EIF3A: variants seen among roughly 807,000 people sequenced by gnomAD.
EIF3A encodes eukaryotic translation initiation factor 3 subunit A.
Under a neutral mutation model 186.6 loss-of-function variants are expected in EIF3A, and 21 were observed. That is an observed-to-expected ratio of 0.11 (90% CI 0.08 to 0.16). The LOEUF (loss-of-function observed/expected upper bound fraction) is 0.16. Ranked by LOEUF, EIF3A falls within the 10% of genes least tolerant of loss-of-function variation. The probability of loss-of-function intolerance (pLI) is 1.00; values close to 1 mark genes in which losing one functional copy is unlikely to be tolerated. For missense variants in EIF3A, 1,306 were observed against 1,796.3 expected, an observed-to-expected ratio of 0.73 and a Z score of 4.93; for synonymous variants, 563 against 584.3, an observed-to-expected ratio of 0.96 and a Z score of 0.52.
At chr10:119,078,344 TTGCTCATATATA>T (rs1322254961) in intron 1 of EIF3A, among the ~76,000 whole-genome samples, 3 of 152,184 alleles carry the variant, frequency 2.0e-5, no homozygotes, top group Non-Finnish European at 4.4e-5. Context: ...CCCCCAAAAA[TTGCTCATATATA>T]TGCTTAGGGT....
intron 1 of EIF3A, among the ~76,000 whole-genome samples, chr10:119,079,219 A>T (rs1036324643): frequency 1.3e-5 from 2 of 152,198 alleles, no homozygotes; most frequent in African/African-American, 4.8e-5. Context: ...ATTAGTGCTC[A>T]CATCTATGTT....
chr10:119,077,624 A>G (rs1248717696), intron 1 of EIF3A, among the ~76,000 whole-genome samples: 5 of 149,846 alleles, frequency 3.3e-5, no homozygotes, highest in Non-Finnish European at 7.4e-5. Context: ...GCGCAATCTC[A>G]GCTCACTGCA....
chr10:119,061,207 TAAATAC>T lies in EIF3A; in HGVS notation c.1227+11_1227+16del. On this transcript the variant is annotated intron_variant, in intron 8 of 21. Coordinates refer to ENST00000369144, the MANE Select transcript of EIF3A (RefSeq NM_003750.4). ...CAACTCTGTGGTAACAACCAGAACT[TAAATAC>T]AAAGGCTTACCTTTGTGACTCGCTC... is the stretch of plus-strand genomic sequence containing the variant. The T allele has an allele frequency of 7.0e-7, 1 of 1,429,724 alleles. No homozygotes were observed. Among genetic ancestry groups the T allele is most frequent in the Non-Finnish European group, 9.7e-7 (1 of 1,032,652 alleles). 88.6% of individuals were successfully genotyped at this position (1,429,724 alleles called of 1,614,324 possible).
chr10:119,047,454 A>T (rs1202720715), intron 17 of EIF3A, among the ~76,000 whole-genome samples: 1 of 152,232 alleles, frequency 6.6e-6, no homozygotes, highest in Admixed American at 6.5e-5. Flanking sequence ...AAAAAAGGGA[A>T]GGTGTGTGTG....
chr10:119,059,108 T>C (rs1843839308), intron 11 of EIF3A, 104 bp downstream of exon 11: 1 of 845,498 alleles, frequency 1.2e-6, no homozygotes. Flanking sequence ...ATATCATAAA[T>C]CCCTTCTCTC....
intron 6 of EIF3A, among the ~76,000 whole-genome samples, chr10:119,065,998 C>T (rs1843970321): frequency 6.6e-6 from 1 of 151,894 alleles, no homozygotes; most frequent in South Asian, 2.1e-4. Context: ...CGCCTGTAGT[C>T]CCAGCTACTC....
intron 7 of EIF3A, 33 bp downstream of exon 7, chr10:119,065,366 C>T (rs756364591): frequency 4.5e-6 from 7 of 1,544,662 alleles, no homozygotes; most frequent in Admixed American, 1.9e-5. Flanking sequence ...GTTTTCTGCC[C>T]AAAGCTACAA....
chr10:119,050,109 G>C, intron 16 of EIF3A, 124 bp from the exon 17 acceptor site: 1 of 938,714 alleles, frequency 1.1e-6, no homozygotes, highest in Non-Finnish European at 1.6e-6. Context: ...AAAATAGTTT[G>C]TAATCAGCTA....
Position 119,069,468 on chromosome 10 carries a change from G to C in EIF3A, c.928C>G (p.Leu310Val), listed in dbSNP as rs1243702155. 1 of 1,513,538 alleles carries C rather than the reference G, an allele frequency of 6.6e-7. No homozygotes were observed. Among genetic ancestry groups the C allele is most frequent in the Non-Finnish European group, 9.2e-7 (1 of 1,088,184 alleles). 93.8% of individuals were successfully genotyped at this position (1,513,538 alleles called of 1,614,324 possible). Residue 310 changes from leucine to valine, a missense_variant, in exon 6 of 22, where the codon CTC becomes GTC. Coordinates refer to ENST00000369144, the MANE Select transcript of EIF3A (RefSeq NM_003750.4). The part of the protein sequence containing the change: ...YHLSREMRKN[L>V]TQDEMQRMST... Reference sequence around the variant, plus strand: ...TACCTTTGCATCTCATCTTGTGTGAGATTCTTTCTCATTTCTCTAGAGAGA... The same window carrying C: ...TACCTTTGCATCTCATCTTGTGTGACATTCTTTCTCATTTCTCTAGAGAGA...
At chr10:119,038,681 T>C (rs1030962669) in intron 19 of EIF3A, among the ~76,000 whole-genome samples, 10 of 152,168 alleles carry the variant, frequency 6.6e-5, no homozygotes, top group Non-Finnish European at 1.5e-4. Context: ...CCCAGCACTT[T>C]TGGAGACCGA....
intron 1 of EIF3A, among the ~76,000 whole-genome samples, chr10:119,076,160 G>A (rs1430875065): frequency 1.3e-5 from 2 of 150,818 alleles, no homozygotes; most frequent in Admixed American, 6.6e-5. Context: ...GTGAAACCTC[G>A]TCTCTACTAA....
chr10:119,054,072 C>T (rs762185939), intron 14 of EIF3A, among the ~76,000 whole-genome samples: 4 of 152,130 alleles, frequency 2.6e-5, no homozygotes, highest in Non-Finnish European at 5.9e-5. Flanking sequence ...AGGCATCTGC[C>T]ACCACGCCCA....
At chr10:119,073,154 T>C in intron 3 of EIF3A, 101 bp from the exon 4 acceptor site, 1 of 1,156,976 alleles carries the variant, frequency 8.6e-7, no homozygotes, top group Non-Finnish European at 1.2e-6. Flanking sequence ...TGCAAATTCT[T>C]CCCACAATAT....
intron 9 of EIF3A, among the ~76,000 whole-genome samples, chr10:119,060,299 T>C (rs116503709): frequency 1.3e-5 from 2 of 152,228 alleles, no homozygotes; most frequent in Admixed American, 1.3e-4. Flanking sequence ...GGCTTCTGAA[T>C]AGCTATTAAA....
rs1187030505 is a variant in EIF3A, at chr10:119,060,791, A to G, written c.1281T>C (p.Tyr427=). 66 of 1,612,456 alleles carry G rather than the reference A, an allele frequency of 4.1e-5. No individual in the cohort carries two copies. The highest frequency in any genetic ancestry group is 5.3e-5 in the Non-Finnish European group (63 of 1,179,382). ...TGGTGTTGTTTTGCAGTTGTGGCAC[A>G]TACTGCTGCAATTCCGGTTCCTTTT... is the stretch of plus-strand genomic sequence containing the variant. ...QPEKEPELQQ[Y]VPQLQNNTIL... The change falls in exon 9 of 22, where the codon TAT becomes TAC. Residue 427 remains tyrosine, a synonymous_variant. Coordinates refer to ENST00000369144, the MANE Select transcript of EIF3A (RefSeq NM_003750.4).
rs62636533 is a variant in EIF3A at position 119,038,287 on chromosome 10, T to G, written c.3679A>C (p.Arg1227=). Residue 1227 remains arginine (R), a synonymous_variant, in exon 20 of 22, where the codon AGG becomes CGG. Coordinates refer to ENST00000369144, the MANE Select transcript of EIF3A (RefSeq NM_003750.4). The part of the protein sequence containing the change: ...EENDKDPERE[R]DRERDVDRED... Reference sequence around the variant, plus strand: ...CGATCCACATCTCTCTCTCTGTCCCTTTCTCTCTCAGGGTCCTTGTCATTC... The same window carrying G: ...CGATCCACATCTCTCTCTCTGTCCCGTTCTCTCTCAGGGTCCTTGTCATTC... 365 of 1,614,106 alleles carry G rather than the reference T, an allele frequency of 2.3e-4. No homozygotes were observed. In the African/African-American group the frequency reaches 4.2e-3, roughly 19 times the overall value.
In EIF3A at chr10:119,060,842, A is replaced by T. The variant is rs142757886; in HGVS notation, c.1230T>A (p.Val410=). The T allele has an allele frequency of 1.1e-5, 17 of 1,599,646 alleles. No individual in the cohort carries two copies. The highest frequency in any genetic ancestry group is 6.9e-5 in the Admixed American group (4 of 57,870). The change falls in exon 9 of 22, where the codon GTT becomes GTA. Residue 410 remains valine (V), a splice_region_variant and synonymous_variant. Coordinates refer to ENST00000369144, the MANE Select transcript of EIF3A (RefSeq NM_003750.4). The part of the protein sequence containing the change: ...PLKLCERVTK[V]LNWVREQPEK... ...CAGGTTGTTCCCTAACCCAATTTAG[A>T]ACCTATAAAATCCATTAAATTGAAA...
At chr10:119,058,363 T>C (rs755558028) in intron 11 of EIF3A, 60 bp from the exon 12 acceptor site, 2 of 1,197,960 alleles carry the variant, frequency 1.7e-6, no homozygotes, top group African/African-American at 3.1e-5. Context: ...GTATTAGGCA[T>C]CAAAGAAATT....
chr10:119,076,893 G>C (rs550937182), intron 1 of EIF3A, among the ~76,000 whole-genome samples: 1 of 143,378 alleles, frequency 7.0e-6, no homozygotes, highest in Admixed American at 7.4e-5. Flanking sequence ...CCAAGATTGC[G>C]TCACTGCACT....
Sources: allele counts gnomAD v4.1 joint callset (sites outside exome capture counted in the v4.1 genomes callset), GRCh38; gene constraint gnomAD v4.1.1; transcripts MANE v1.5; gene names NCBI Gene and HGNC (gene_info 2026-07-23, HGNC 2026-07-21).